Variants in TMCO4 observed in about 807,000 individuals in gnomAD.
TMCO4 encodes the protein transmembrane and coiled-coil domains 4, also known as transmembrane and coiled-coil domain-containing protein 4.
TMCO4 carries 58 observed loss-of-function variants against 64.7 expected under a neutral mutation model. The observed-to-expected ratio is 0.90, with a 90% CI of 0.73 to 1.12. The LOEUF (loss-of-function observed/expected upper bound fraction) is 1.12. Ranked by LOEUF, TMCO4 falls within the 50% of genes most tolerant of loss-of-function variation. TMCO4 has a pLI of 0.00. For missense variants in TMCO4, 780 were observed against 825.9 expected, an observed-to-expected ratio of 0.94 and a Z score of 0.68; for synonymous variants, 325 against 346.1, an observed-to-expected ratio of 0.94 and a Z score of 0.68.
chr1:19,734,943 G>A lies in TMCO4; in HGVS notation c.1264+2429C>T, dbSNP rs534960553. 2.4e-4 allele frequency among the ~76,000 whole-genome samples: 37 copies of A among 152,222 alleles called. No individual in the cohort carries two copies. Among genetic ancestry groups the A allele is most frequent in the Non-Finnish European group, 4.7e-4 (32 of 68,016 alleles). ...GTGCTTGGAACACAGCCTGGCACCC[G>A]GTGGATCTGCACTAGCTCGTGGGCA... On this transcript the variant is annotated intron_variant, in intron 13 of 15. Transcript: ENST00000294543. The surrounding 1 kb of genome is among the most constrained non-coding windows in gnomAD (Gnocchi z 4.4).
chr1:19,795,543 A>G (rs2044265953), intron 2 of TMCO4, among the ~76,000 whole-genome samples: 1 of 152,236 alleles, frequency 6.6e-6, no homozygotes, highest in African/African-American at 2.4e-5. Context: ...CACAATAGTA[A>G]ATGCTTGGCA....
At chr1:19,763,537 G>A (rs1289592300) in intron 6 of TMCO4, among the ~76,000 whole-genome samples, 1 of 152,104 alleles carries the variant, frequency 6.6e-6, no homozygotes, top group Non-Finnish European at 1.5e-5. Flanking sequence ...CTGTTAAGAA[G>A]CCACTCTCTG....
intron 15 of TMCO4, among the ~76,000 whole-genome samples, chr1:19,685,717 T>TTTTTTTC (rs2095143163): frequency 7.3e-6 from 1 of 137,920 alleles, no homozygotes; most frequent in Non-Finnish European, 1.6e-5. Flanking sequence ...TTTCTTTTTT[T>TTTTTTTC]TTTTTTTTTT....
At chr1:19,742,965 G>A (rs936700589) in intron 10 of TMCO4, among the ~76,000 whole-genome samples, 16 of 152,030 alleles carry the variant, frequency 1.1e-4, no homozygotes, top group African/African-American at 3.1e-4. Flanking sequence ...CAGGAGAATC[G>A]CTAGAACCCG....
At chr1:19,764,436 A>G (rs564946094) in intron 6 of TMCO4, among the ~76,000 whole-genome samples, 2 of 152,364 alleles carry the variant, frequency 1.3e-5, no homozygotes, top group South Asian at 2.1e-4. Flanking sequence ...GTAGGCACTC[A>G]ACGAGCATGT....
intron 12 of TMCO4, 50 bp from the exon 13 acceptor site, chr1:19,737,506 G>C: frequency 6.3e-7 from 1 of 1,578,674 alleles, no homozygotes; most frequent in Non-Finnish European, 8.7e-7. Context: ...GCCAGTTCTA[G>C]CAAAACATCA....
intron 3 of TMCO4, among the ~76,000 whole-genome samples, chr1:19,784,782 T>TGGA (rs1557621911): frequency 4.3e-5 from 1 of 23,402 alleles, no homozygotes; most frequent in African/African-American, 2.3e-4. Context: ...TGGGCTACAC[T>TGGA]GGAAGAAGAA....
At chr1:19,790,201 A>C (rs924371963) in intron 2 of TMCO4, among the ~76,000 whole-genome samples, 1 of 152,142 alleles carries the variant, frequency 6.6e-6, no homozygotes, top group Non-Finnish European at 1.5e-5. Flanking sequence ...TTAAAACCTA[A>C]AACTATAAAA....
chr1:19,718,768 C>T (rs749665992), intron 13 of TMCO4, among the ~76,000 whole-genome samples: 18 of 151,894 alleles, frequency 1.2e-4, no homozygotes, highest in Admixed American at 5.9e-4. Context: ...CAGTCTGGCA[C>T]ACAGTAGGTG....
At chr1:19,751,996 C>T (rs1349618336) in intron 7 of TMCO4, among the ~76,000 whole-genome samples, 1 of 148,410 alleles carries the variant, frequency 6.7e-6, no homozygotes, top group South Asian at 2.2e-4. Context: ...TGCAGTGAGC[C>T]GAGATGGCGC....
chr1:19,760,176 T>G (rs1034240831), intron 6 of TMCO4, among the ~76,000 whole-genome samples: 2 of 152,092 alleles, frequency 1.3e-5, no homozygotes, highest in Non-Finnish European at 2.9e-5. Context: ...TTTTTTTTTC[T>G]TTTTTAAGAG....
chr1:19,720,541 C>T (rs1383729977), intron 13 of TMCO4, among the ~76,000 whole-genome samples: 1 of 152,078 alleles, frequency 6.6e-6, no homozygotes, highest in African/African-American at 2.4e-5. Flanking sequence ...TCTCTGGGTC[C>T]TAATGTTTTA....
chr1:19,779,514 T>C (rs1352210421), intron 4 of TMCO4, among the ~76,000 whole-genome samples: 4 of 152,082 alleles, frequency 2.6e-5, no homozygotes, highest in South Asian at 2.1e-4. Flanking sequence ...ACTCCAAATA[T>C]GTGATTTAAA....
chr1:19,764,642 C>G (rs938814024), intron 6 of TMCO4, among the ~76,000 whole-genome samples: 1 of 152,114 alleles, frequency 6.6e-6, no homozygotes, highest in Non-Finnish European at 1.5e-5. Context: ...GCAGGCAGGT[C>G]AGGAGTTCGA....
At position 19,734,203 on chromosome 1, in the gene TMCO4, C is replaced by T. The variant is rs1479743662; in HGVS notation, c.1264+3169G>A. On this transcript the variant is annotated intron_variant, in intron 13 of 15. Transcript: ENST00000294543. This position sits in a 1 kb window ranked among gnomAD's most constrained non-coding sequence, Gnocchi z 4.4. Reference sequence around the variant, plus strand: ...TAGAGCTTGGTCTGCTGGAGCCCGGCATGTGAGGTGGAGAGAGGCGGGGGA... The same window carrying T: ...TAGAGCTTGGTCTGCTGGAGCCCGGTATGTGAGGTGGAGAGAGGCGGGGGA... 2.0e-5 allele frequency among the ~76,000 whole-genome samples: 3 copies of T among 152,188 alleles called. No individual in the cohort carries two copies. In the East Asian group the frequency reaches 5.8e-4, roughly 29 times the overall value.
chr1:19,765,032 G>A (rs910141893), intron 6 of TMCO4, among the ~76,000 whole-genome samples: 10 of 151,994 alleles, frequency 6.6e-5, no homozygotes, highest in Admixed American at 6.5e-5. Context: ...AGAGAGTGCC[G>A]TGGCTCAAGT....
At chr1:19,697,209 C>A (rs2095242697) in intron 14 of TMCO4, among the ~76,000 whole-genome samples, 1 of 152,186 alleles carries the variant, frequency 6.6e-6, no homozygotes, top group African/African-American at 2.4e-5. Context: ...TCAAAATTCA[C>A]CTTGGACATC....
chr1:19,793,371 C>T (rs2044146896), intron 2 of TMCO4, among the ~76,000 whole-genome samples: 1 of 152,142 alleles, frequency 6.6e-6, no homozygotes, highest in African/African-American at 2.4e-5. Context: ...AAAGCTATAG[C>T]ACCATCCTTA....
chr1:19,720,005 A>ATT (rs56755114), intron 13 of TMCO4, among the ~76,000 whole-genome samples: 64,037 of 116,736 alleles, frequency 0.55, 18,875 homozygotes, highest in Non-Finnish European at 0.62. Context: ...AAGGAAAATA[A>ATT]TTTTTTTTTT....
Sources: allele counts gnomAD v4.1 joint callset (sites outside exome capture counted in the v4.1 genomes callset), GRCh38; gene constraint gnomAD v4.1.1; non-coding constraint Gnocchi (gnomAD v3.1); transcripts MANE v1.5; gene names NCBI Gene and HGNC (gene_info 2026-07-23, HGNC 2026-07-21).